FSTL5: variants seen among roughly 807,000 people sequenced by gnomAD.
FSTL5 encodes the protein follistatin-related protein 5.
In FSTL5, 62 loss-of-function variants were observed where a neutral mutation model predicts 89.1. The observed-to-expected ratio is 0.70, with a 90% CI of 0.57 to 0.86. The LOEUF is 0.86. FSTL5 is among the 40% of genes least tolerant of loss of function. FSTL5 has a pLI of 0.00. For synonymous variants in FSTL5, 383 were observed against 346.2 expected, an observed-to-expected ratio of 1.11 and a Z score of -1.18; for missense variants, 1,057 against 1,001.6, an observed-to-expected ratio of 1.06 and a Z score of -0.75.
chr4:162,131,675 T>C (rs759606427), intron 1 of FSTL5, among the ~76,000 whole-genome samples: 36 of 152,170 alleles, frequency 2.4e-4, no homozygotes, highest in Non-Finnish European at 4.7e-4. Flanking sequence ...TTCCCTGGGC[T>C]AGAAAGACAT....
At chr4:162,098,176 T>C (rs1730839888) in intron 2 of FSTL5, among the ~76,000 whole-genome samples, 1 of 152,004 alleles carries the variant, frequency 6.6e-6, no homozygotes, top group African/African-American at 2.4e-5. Flanking sequence ...ATAGCATAGA[T>C]GAATCTCAAT....
At chr4:161,813,078 G>T (rs1030576946) in intron 4 of FSTL5, among the ~76,000 whole-genome samples, 3 of 150,428 alleles carry the variant, frequency 2.0e-5, no homozygotes, top group Non-Finnish European at 3.0e-5. Flanking sequence ...CCAGGCTAAA[G>T]TGCAGTGACG....
chr4:161,735,145 TG>T (rs764936535), intron 6 of FSTL5, among the ~76,000 whole-genome samples: 3 of 152,186 alleles, frequency 2.0e-5, no homozygotes, highest in Non-Finnish European at 4.4e-5. Flanking sequence ...ATTAATTTGC[TG>T]GAACTGCTCA....
At chr4:161,585,254 T>C (rs892038585) in intron 8 of FSTL5, among the ~76,000 whole-genome samples, 26 of 152,176 alleles carry the variant, frequency 1.7e-4, no homozygotes, top group African/African-American at 6.0e-4. Flanking sequence ...GTAAGAAACC[T>C]ACATCAGACA....
chr4:162,100,829 T>C (rs1169825275), intron 2 of FSTL5, among the ~76,000 whole-genome samples: 1 of 152,076 alleles, frequency 6.6e-6, no homozygotes, highest in East Asian at 1.9e-4. Context: ...TCTCTAAAAA[T>C]AATGTTTGTT....
intron 4 of FSTL5, among the ~76,000 whole-genome samples, chr4:161,811,873 A>T (rs1730159990): frequency 6.6e-6 from 1 of 152,194 alleles, no homozygotes; most frequent in Non-Finnish European, 1.5e-5. Flanking sequence ...TTCCAATCGG[A>T]TCTCAGGTCT....
chr4:162,038,767 C>G (rs1443469856), intron 2 of FSTL5, among the ~76,000 whole-genome samples: 1 of 151,856 alleles, frequency 6.6e-6, no homozygotes, highest in Non-Finnish European at 1.5e-5. Context: ...ACAATATCTT[C>G]AAACATAATT....
intron 12 of FSTL5, among the ~76,000 whole-genome samples, chr4:161,487,091 T>C (rs6850033): frequency 0.56 from 85,224 of 152,038 alleles, 24,078 homozygotes; most frequent in East Asian, 0.79. Flanking sequence ...ACAGAATTTT[T>C]ATTTTGTGAC....
intron 3 of FSTL5, among the ~76,000 whole-genome samples, chr4:162,015,556 G>A (rs893343162): frequency 2.0e-5 from 3 of 152,124 alleles, no homozygotes; most frequent in Admixed American, 6.6e-5. Context: ...ACCTTGCAGT[G>A]TAATGGGATA....
intron 1 of FSTL5, among the ~76,000 whole-genome samples, chr4:162,142,383 C>T (rs1275149703): frequency 6.6e-6 from 1 of 151,874 alleles, no homozygotes; most frequent in African/African-American, 2.4e-5. Context: ...TTATTGCTGA[C>T]CTTGATGGAA....
intron 3 of FSTL5, among the ~76,000 whole-genome samples, chr4:162,016,871 C>A (rs1280796863): frequency 2.0e-5 from 3 of 151,880 alleles, no homozygotes; most frequent in Admixed American, 1.3e-4. Flanking sequence ...TTTTTTCTGA[C>A]CCATTTCAGC....
chr4:161,702,456 C>T (rs917564887), intron 6 of FSTL5, among the ~76,000 whole-genome samples: 1 of 152,082 alleles, frequency 6.6e-6, no homozygotes, highest in Non-Finnish European at 1.5e-5. Flanking sequence ...GGCCATTTAT[C>T]TATTAGCAGC....
At chr4:161,852,043 C>G (rs6813578) in intron 4 of FSTL5, among the ~76,000 whole-genome samples, 145,876 of 152,130 alleles carry the variant, frequency 0.96, 70,153 homozygotes, top group Non-Finnish European at 1. Flanking sequence ...TTGTAAATTA[C>G]TTTATTTATG....
intron 14 of FSTL5, 74 bp downstream of exon 14, chr4:161,459,138 G>T (rs1055369367): frequency 3.2e-6 from 3 of 948,694 alleles, no homozygotes; most frequent in South Asian, 1.4e-5. Flanking sequence ...ATGGTTAAAT[G>T]ATCACAAATA....
chr4:161,466,910 C>A (rs1446864689), intron 13 of FSTL5, among the ~76,000 whole-genome samples: 5 of 151,858 alleles, frequency 3.3e-5, no homozygotes, highest in African/African-American at 1.2e-4. Flanking sequence ...TAAAATATTT[C>A]TCATTTTAAT....
rs143612361 is a variant in FSTL5 at position 161,749,525 on chromosome 4, C to T, written c.727+9886G>A. On this transcript the variant is annotated intron_variant, in intron 6 of 15. Transcript: ENST00000306100. ...AAAGAGAAAGATAATAGGCCCGGCG[C>T]GGTGGCTCACGCCTGTAATCCCAGC... Among the ~76,000 whole-genome samples the T allele has an allele frequency of 6.8e-3, 1,038 of 152,162 alleles. 14 individuals carry two copies. Among genetic ancestry groups the T allele is most frequent in the African/African-American group, 0.024 (991 of 41,518 alleles).
rs114761569 is a variant in FSTL5, at chr4:161,439,139, T to C, written c.1841+15865A>G. Among the ~76,000 whole-genome samples, 1,388 of 152,344 alleles carry C rather than the reference T, an allele frequency of 9.1e-3. 16 individuals are homozygous for C. The highest frequency in any genetic ancestry group is 0.03 in the African/African-American group (1,266 of 41,582). The stretch of plus-strand genomic sequence containing the variant: ...AATATAATTTTATTCAGTCGGTGTC[T>C]TGTAAAATGATGTAATATTTATTGC... On this transcript the variant is annotated intron_variant, in intron 15 of 15. Coordinates refer to ENST00000306100, the MANE Select transcript of FSTL5 (RefSeq NM_020116.5).
intron 4 of FSTL5, among the ~76,000 whole-genome samples, chr4:161,836,068 T>C (rs1372451869): frequency 1.3e-5 from 2 of 151,960 alleles, no homozygotes; most frequent in East Asian, 1.9e-4. Context: ...TGTCCAACAA[T>C]GATAGACTGG....
chr4:161,579,742 A>AAG lies in FSTL5; in HGVS notation c.1015+7712_1015+7713insCT, dbSNP rs1417607686. ...AAAACAAAAACAAACAAAAAAAAAA[A>AAG]AAGAAAGAAAAAGAAAAAAAGAAAA... On this transcript the variant is annotated intron_variant, in intron 8 of 15. Transcript: ENST00000306100. Among the ~76,000 whole-genome samples the AAG allele has an allele frequency of 8.7e-4, 89 of 102,272 alleles. 1 individual carries two copies. In the East Asian group the frequency reaches 0.019, roughly 22 times the overall value. 67.1% of individuals were successfully genotyped at this position (102,272 alleles called of 152,430 possible).
Sources: gnomAD v4.1 joint callset for allele counts (sites outside exome capture counted in the v4.1 genomes callset) on GRCh38, gnomAD v4.1.1 for gene constraint, MANE v1.5 for transcripts, NCBI Gene and HGNC (gene_info 2026-07-23, HGNC 2026-07-21) for gene names.